PCCA: variants seen among roughly 807,000 people sequenced by gnomAD.
PCCA encodes propionyl-CoA carboxylase alpha chain, mitochondrial.
A neutral mutation model predicts 101.3 loss-of-function variants in PCCA; 74 were observed. The ratio of observed to expected loss-of-function variants is 0.73; its 90% CI spans 0.61 to 0.89. PCCA has a LOEUF of 0.89. PCCA is among the 40% of genes least tolerant of loss of function. The pLI, the probability that PCCA is intolerant of heterozygous loss-of-function variation, is 0.00. For missense variants in PCCA, 891 were observed against 907.0 expected (o/e 0.98, Z 0.23); for synonymous variants, 294 against 313.6 (o/e 0.94, Z 0.66).
chr13:100,418,358 A>G (rs2078517880), intron 19 of PCCA, among the ~76,000 whole-genome samples: 1 of 152,106 alleles, frequency 6.6e-6, no homozygotes, highest in Non-Finnish European at 1.5e-5. Context: ...TGTTTCTCTG[A>G]TAACTTCTCC....
At chr13:100,278,955 A>G (rs1428299581) in intron 12 of PCCA, among the ~76,000 whole-genome samples, 4 of 152,252 alleles carry the variant, frequency 2.6e-5, no homozygotes, top group South Asian at 2.1e-4. Context: ...ACCAGATCTA[A>G]TATGACAAAA....
intron 18 of PCCA, among the ~76,000 whole-genome samples, chr13:100,363,614 C>G (rs959810624): frequency 6.6e-6 from 1 of 152,124 alleles, no homozygotes; most frequent in African/African-American, 2.4e-5. Flanking sequence ...ATATTATTCT[C>G]GATCATTTTA....
At chr13:100,154,565 C>G (rs1420579537) in intron 4 of PCCA, 1 of 282,778 alleles carries the variant, frequency 3.5e-6, no homozygotes, top group African/African-American at 2.2e-5. Context: ...TTCAGTCCCT[C>G]TAATTATCCC....
intron 11 of PCCA, among the ~76,000 whole-genome samples, chr13:100,269,472 A>G (rs1299022106): frequency 2.0e-5 from 3 of 152,178 alleles, no homozygotes; most frequent in Non-Finnish European, 2.9e-5. Context: ...CTACCATGAA[A>G]GGCTTCTGGA....
chr13:100,138,483 A>G (rs1205921588), intron 4 of PCCA, among the ~76,000 whole-genome samples: 2 of 152,196 alleles, frequency 1.3e-5, no homozygotes, highest in East Asian at 3.8e-4. Context: ...CAACAGTTAA[A>G]CGTATTTCAA....
chr13:100,166,876 G>A (rs528417264), intron 6 of PCCA, among the ~76,000 whole-genome samples: 2 of 152,272 alleles, frequency 1.3e-5, no homozygotes, highest in African/African-American at 4.8e-5. Context: ...AACAATGTAT[G>A]AGTGTACTAG....
intron 18 of PCCA, among the ~76,000 whole-genome samples, chr13:100,341,585 C>CTGGGCAAA (rs2152755170): frequency 6.6e-6 from 1 of 152,314 alleles, no homozygotes; most frequent in East Asian, 1.9e-4. Flanking sequence ...AGGCTTTCCA[C>CTGGGCAAA]CACAGCAGGT....
At chr13:100,353,305 A>T (rs1595533849) in intron 18 of PCCA, among the ~76,000 whole-genome samples, 1 of 152,296 alleles carries the variant, frequency 6.6e-6, no homozygotes, top group East Asian at 1.9e-4. Flanking sequence ...TCTCTCCAAC[A>T]ACAGCAGAAT....
At chr13:100,385,732 C>T (rs1036649768) in intron 19 of PCCA, among the ~76,000 whole-genome samples, 2 of 152,166 alleles carry the variant, frequency 1.3e-5, no homozygotes, top group Non-Finnish European at 2.9e-5. Context: ...CAGTGATCCT[C>T]CCACCTCAGG....
chr13:100,125,641 T>A (rs977676519), intron 4 of PCCA, among the ~76,000 whole-genome samples: 1 of 152,240 alleles, frequency 6.6e-6, no homozygotes, highest in Admixed American at 6.5e-5. Context: ...AACAATAGAC[T>A]TTTCATTAAA....
At position 100,152,842 on chromosome 13, in the gene PCCA, A is replaced by G. The variant is rs1250017664; in HGVS notation, c.301-2137A>G. Among the ~76,000 whole-genome samples, 3 of 152,226 alleles carry G rather than the reference A, an allele frequency of 2.0e-5. No homozygotes were observed. The East Asian group carries it at 5.8e-4, about 29-fold the overall frequency. The stretch of plus-strand genomic sequence containing the variant: ...AAAGGGTGAAAATTATATATGCGGT[A>G]TCATTACGAAAGTGTATTTAGAGAA... On this transcript the variant is annotated intron_variant, in intron 4 of 23. Coordinates refer to ENST00000376285, the MANE Select transcript of PCCA (RefSeq NM_000282.4).
At chr13:100,277,952 C>G (rs886159270) in intron 12 of PCCA, among the ~76,000 whole-genome samples, 1 of 152,144 alleles carries the variant, frequency 6.6e-6, no homozygotes, top group African/African-American at 2.4e-5. Context: ...CAAAAGTGAT[C>G]TATCTAGATG....
chr13:100,314,662 A>C (rs1415564595), intron 16 of PCCA, among the ~76,000 whole-genome samples: 1 of 152,222 alleles, frequency 6.6e-6, no homozygotes, highest in Non-Finnish European at 1.5e-5. Flanking sequence ...GTACAACCTG[A>C]GTATAATCAT....
At chr13:100,116,699 T>G (rs139991902) in intron 4 of PCCA, among the ~76,000 whole-genome samples, 1 of 152,312 alleles carries the variant, frequency 6.6e-6, no homozygotes, top group African/African-American at 2.4e-5. Context: ...TTGATTTTTT[T>G]TGGGTAAATA....
intron 18 of PCCA, among the ~76,000 whole-genome samples, chr13:100,343,964 A>T (rs1354858551): frequency 2.0e-5 from 3 of 152,190 alleles, no homozygotes; most frequent in Middle Eastern, 3.2e-3. Flanking sequence ...AGTCCCATCT[A>T]CTCAGGAGGC....
chr13:100,437,071 A>G (rs2079987433), intron 20 of PCCA, among the ~76,000 whole-genome samples: 1 of 152,104 alleles, frequency 6.6e-6, no homozygotes, highest in South Asian at 2.1e-4. Context: ...ACCTATTGAC[A>G]AGTGTAGATA....
At chr13:100,190,028 A>G (rs1466582829) in intron 6 of PCCA, among the ~76,000 whole-genome samples, 1 of 152,206 alleles carries the variant, frequency 6.6e-6, no homozygotes, top group Non-Finnish European at 1.5e-5. Context: ...ATTAGTTGTC[A>G]TTTCATGAGG....
chr13:100,428,092 G>A (rs1264969139), intron 20 of PCCA, among the ~76,000 whole-genome samples: 1 of 151,778 alleles, frequency 6.6e-6, no homozygotes, highest in Non-Finnish European at 1.5e-5. Flanking sequence ...AATGAGACAG[G>A]ATCTCGCTCT....
At chr13:100,191,227 A>G (rs7993680) in intron 6 of PCCA, among the ~76,000 whole-genome samples, 9,529 of 152,302 alleles carry the variant, frequency 0.063, 1,024 homozygotes, top group African/African-American at 0.22. Context: ...TTGGAAGTGC[A>G]TCTCAGCACA....
Sources: allele counts gnomAD v4.1 joint callset (sites outside exome capture counted in the v4.1 genomes callset), GRCh38; gene constraint gnomAD v4.1.1; transcripts MANE v1.5; gene names NCBI Gene and HGNC (gene_info 2026-07-23, HGNC 2026-07-21).